SYNE1: variants seen among roughly 807,000 people sequenced by gnomAD.
The protein encoded by SYNE1 is nesprin-1.
Under a neutral mutation model 1,111.0 loss-of-function variants are expected in SYNE1, and 616 were observed. The observed-to-expected ratio is 0.55, with a 90% confidence interval of 0.52 to 0.59. The LOEUF is 0.59. SYNE1 is among the 20% of genes least tolerant of loss of function. The probability of loss-of-function intolerance (pLI) is 0.00; values close to 1 mark genes in which losing one functional copy is unlikely to be tolerated. For synonymous variants in SYNE1, 3,855 were observed against 3,825.8 expected (o/e 1.01, Z -0.28); for missense variants, 10,006 against 10,417.0 (o/e 0.96, Z 1.72).
At chr6:152,127,852 A>G (rs558094896) in intron 145 of SYNE1, 2 of 152,354 alleles carry the variant, frequency 1.3e-5, no homozygotes, top group African/African-American at 4.8e-5. Context: ...GCCCTTGCTT[A>G]AATGTATCTG....
chr6:152,234,579 C>T (rs2083555805), intron 111 of SYNE1, 89 bp downstream of exon 111: 3 of 1,525,564 alleles, frequency 2.0e-6, no homozygotes, highest in African/African-American at 1.4e-5. Flanking sequence ...GTGTGAGCCA[C>T]CGCACCCGGC....
chr6:152,359,358 T>C lies in SYNE1; in HGVS notation c.10400A>G (p.Gln3467Arg). 2 of 1,614,202 alleles carry C rather than the reference T, an allele frequency of 1.2e-6. No individual in the cohort carries two copies. The highest frequency in any genetic ancestry group is 1.7e-6 in the Non-Finnish European group (2 of 1,180,026). Residue 3467 changes from glutamine to arginine, a missense_variant, in exon 65 of 146, where the codon CAG (glutamine) becomes CGG (arginine). This residue lies in a region of SYNE1 where 4,955 missense variants were observed against 5,017.2 expected (regional missense o/e 0.99). Coordinates refer to ENST00000367255, the MANE Select transcript of SYNE1 (RefSeq NM_182961.4). ...GGCTCTGTATCGTTCCTGTAGATCC[T>C]GGAGTTCTAGCTGGGTGACATAGTG... ...TEHYVTQLELQDLQERYRAIQ... is the reference protein window; with the variant it reads ...TEHYVTQLELRDLQERYRAIQ...
At chr6:152,143,481 G>T in intron 138 of SYNE1, 142 bp downstream of exon 138, 2 of 1,234,930 alleles carry the variant, frequency 1.6e-6, no homozygotes, top group Non-Finnish European at 2.4e-6. Flanking sequence ...ACAGGGCTTG[G>T]CTTTGCACAT....
intron 3 of SYNE1, among the ~76,000 whole-genome samples, chr6:152,618,180 T>C (rs577918351): frequency 6.6e-6 from 1 of 152,308 alleles, no homozygotes; most frequent in East Asian, 1.9e-4. Context: ...CACTTTTTTC[T>C]GTTGAATAGT....
In SYNE1 at chr6:152,441,274, A is replaced by C; in HGVS notation, c.4009-4T>G. The C allele has an allele frequency of 1.2e-6, 2 of 1,602,118 alleles. No individual in the cohort carries two copies. Among genetic ancestry groups the C allele is most frequent in the Non-Finnish European group, 8.5e-7 (1 of 1,172,628 alleles). On this transcript the variant is annotated splice_region_variant and splice_polypyrimidine_tract_variant and intron_variant, in intron 31 of 145. Transcript: ENST00000367255. ...GCTCCCATTTTCTTAATGTGACCTA[A>C]ATTTGAAAAAATAAACAACAAATGG... is the stretch of plus-strand genomic sequence containing the variant.
intron 98 of SYNE1, among the ~76,000 whole-genome samples, chr6:152,276,370 C>A (rs2093628156): frequency 1.3e-5 from 2 of 151,986 alleles, no homozygotes; most frequent in Admixed American, 1.3e-4. Context: ...TTGTTGGATT[C>A]TTTTATGCTT....
intron 95 of SYNE1, among the ~76,000 whole-genome samples, chr6:152,289,468 G>A (rs947741359): frequency 1.3e-5 from 2 of 152,182 alleles, no homozygotes; most frequent in East Asian, 1.9e-4. Flanking sequence ...TCTGCTCACT[G>A]TAACCTCCAC....
chr6:152,356,594 C>T (rs1042641211), intron 66 of SYNE1, among the ~76,000 whole-genome samples: 17 of 150,974 alleles, frequency 1.1e-4, no homozygotes, highest in African/African-American at 4.1e-4. Flanking sequence ...ACTAGGCCTT[C>T]AGGTTATACA....
Position 152,135,242 on chromosome 6 carries a change from A to T in SYNE1, c.25660-10T>A. 1 of 1,613,858 alleles carries T rather than the reference A, an allele frequency of 6.2e-7. No individual in the cohort carries two copies. The highest frequency in any genetic ancestry group is 1.1e-5 in the South Asian group (1 of 91,062). ...TCATTTCATGGAAACCCTACAGAAA[A>T]CAGTTTAAAGTAACTGTAAATAAAA... is the stretch of plus-strand genomic sequence containing the variant. On this transcript the variant is annotated splice_polypyrimidine_tract_variant and intron_variant, in intron 141 of 145. Coordinates refer to ENST00000367255, the MANE Select transcript of SYNE1 (RefSeq NM_182961.4).
chr6:152,563,161 T>C (rs1032543113), intron 3 of SYNE1, among the ~76,000 whole-genome samples: 2 of 152,082 alleles, frequency 1.3e-5, no homozygotes, highest in Non-Finnish European at 2.9e-5. Flanking sequence ...TTGTAGATTG[T>C]TTTTATCATA....
Position 152,325,274 on chromosome 6 carries a change from T to G in SYNE1, c.15467A>C (p.His5156Pro). The G allele has an allele frequency of 6.2e-7, 1 of 1,614,146 alleles. No homozygotes were observed. Among genetic ancestry groups the G allele is most frequent in the South Asian group, 1.1e-5 (1 of 91,078 alleles). ...TTCCTCAAGGGCCACAATTTTCTCA[T>G]GGAAAGAGTTAACCACTGACACTAA... ...KALVSVVNSF[H>P]EKIVALEEKA... Residue 5156 changes from histidine (H) to proline (P), a missense_variant, in exon 81 of 146, where the codon CAT becomes CCT. His to Pro is a moderately conservative substitution (Grantham distance 77). Around this residue, in one of 7 missense-constraint regions of SYNE1, gnomAD observed 4,955 missense variants for 5,017.2 expected, o/e 0.99. Coordinates refer to ENST00000367255, the MANE Select transcript of SYNE1 (RefSeq NM_182961.4).
intron 117 of SYNE1, among the ~76,000 whole-genome samples, chr6:152,223,488 C>T (rs1348921880): frequency 4.6e-5 from 7 of 152,044 alleles, no homozygotes; most frequent in African/African-American, 1.5e-4. Context: ...GGCATGGAGG[C>T]ACATGCCGTA....
intron 145 of SYNE1, among the ~76,000 whole-genome samples, chr6:152,123,429 T>A (rs1051576773): frequency 1.3e-5 from 2 of 152,196 alleles, no homozygotes; most frequent in African/African-American, 4.8e-5. Context: ...TACAGCCCCT[T>A]CTACACTCAA....
In SYNE1 at chr6:152,281,832, A is replaced by C; in HGVS notation, c.18356T>G (p.Met6119Arg). ...CTGGCAGTCCATAAGCTGGGCCTCC[A>C]TGTCCATGGGCTCCTTGGGTGGACT... ...ALSPPKEPMD[M>R]EAQLMDCQNM... Residue 6119 changes from methionine to arginine, a missense_variant, in exon 97 of 146, where the codon ATG becomes AGG. This residue lies in a region of SYNE1 where 99 missense variants were observed against 147.8 expected (regional missense o/e 0.67). Coordinates refer to ENST00000367255, the MANE Select transcript of SYNE1 (RefSeq NM_182961.4). 6.2e-7 allele frequency: 1 copy of C among 1,614,174 alleles called. No homozygotes were observed. Among genetic ancestry groups the C allele is most frequent in the Admixed American group, 1.7e-5 (1 of 60,024 alleles).
At chr6:152,552,131 G>A (rs1365850755) in intron 3 of SYNE1, among the ~76,000 whole-genome samples, 1 of 152,250 alleles carries the variant, frequency 6.6e-6, no homozygotes, top group East Asian at 1.9e-4. Flanking sequence ...GTGTGGAATG[G>A]GGAAAAGGGG....
At chr6:152,574,755 C>T (rs1477526140) in intron 3 of SYNE1, among the ~76,000 whole-genome samples, 2 of 152,032 alleles carry the variant, frequency 1.3e-5, no homozygotes, top group Admixed American at 1.3e-4. Context: ...GTAATTTTCC[C>T]CAATGTATAA....
At chr6:152,386,053 A>G (rs2097522455) in intron 54 of SYNE1, among the ~76,000 whole-genome samples, 1 of 152,188 alleles carries the variant, frequency 6.6e-6, no homozygotes, top group African/African-American at 2.4e-5. Flanking sequence ...TAAGTTTACT[A>G]TTTTCTACCT....
chr6:152,262,028 A>G lies in SYNE1; in HGVS notation c.18972+4T>C, dbSNP rs774096623. Reference sequence around the variant, plus strand: ...GTTAATATATAATGTAAAATATTTGATACCACTTGCTCTTGTTCCTGTTCC... The same window carrying G: ...GTTAATATATAATGTAAAATATTTGGTACCACTTGCTCTTGTTCCTGTTCC... On this transcript the variant is annotated splice_donor_region_variant and intron_variant, in intron 101 of 145. Coordinates refer to ENST00000367255, the MANE Select transcript of SYNE1 (RefSeq NM_182961.4). The G allele has an allele frequency of 4.0e-5, 64 of 1,610,642 alleles. No homozygotes were observed. The Admixed American group carries it at 1.1e-3, about 27-fold the overall frequency.
At chr6:152,600,514 T>A (rs191516582) in intron 3 of SYNE1, among the ~76,000 whole-genome samples, 131 of 152,322 alleles carry the variant, frequency 8.6e-4, no homozygotes, top group Non-Finnish European at 1.0e-3. Flanking sequence ...TGATTACGGA[T>A]GAGTAGAAGC....
Sources: allele counts gnomAD v4.1 joint callset (sites outside exome capture counted in the v4.1 genomes callset), GRCh38; gene constraint gnomAD v4.1.1; regional missense constraint gnomAD v4.1.1; transcripts MANE v1.5; gene names NCBI Gene and HGNC (gene_info 2026-07-23, HGNC 2026-07-21).